HOOK3: variants seen among roughly 807,000 people sequenced by gnomAD.
HOOK3 encodes the protein protein Hook homolog 3.
HOOK3 carries 24 observed loss-of-function variants against 116.3 expected under a neutral mutation model. That is an observed-to-expected ratio of 0.21 (90% CI 0.15 to 0.29). HOOK3 has a LOEUF of 0.29. Ranked by LOEUF, HOOK3 falls within the 10% of genes least tolerant of loss-of-function variation. The pLI is 1.00. For synonymous variants in HOOK3, 275 were observed against 283.0 expected (o/e 0.97, Z 0.28); for missense variants, 632 against 830.2 (o/e 0.76, Z 2.93).
In HOOK3 at chr8:43,018,451, A is replaced by G; in HGVS notation, c.2110A>G (p.Ser704Gly). 2 of 1,613,886 alleles carry G rather than the reference A, an allele frequency of 1.2e-6. No individual in the cohort carries two copies. ...FLARQRQATS[S>G]RRSYPGHVQP... ...GGCGAGGCAGAGGCAAGCGACCAGC[A>G]GCAGAAGATCATACCCAGGCCACGT... Residue 704 changes from serine (S) to glycine (G), a missense_variant, in exon 22 of 22, where the codon AGC (serine) becomes GGC (glycine). Physicochemically the swap from Ser to Gly is moderately conservative, Grantham distance 56. Transcript: ENST00000307602.
At chr8:42,956,223 C>CGTGTGTGTGTGTGTGTGTGTGT (rs61448463) in intron 6 of HOOK3, among the ~76,000 whole-genome samples, 234 of 135,882 alleles carry the variant, frequency 1.7e-3, no homozygotes, top group South Asian at 2.5e-3. Flanking sequence ...AGGATTAGGG[C>CGTGTGTGTGTGTGTGTGTGTGT]GTGTGTGTGT....
intron 14 of HOOK3, among the ~76,000 whole-genome samples, chr8:42,984,239 A>G (rs1809005259): frequency 6.6e-6 from 1 of 151,946 alleles, no homozygotes; most frequent in Non-Finnish European, 1.5e-5. Flanking sequence ...TTGGTGATGC[A>G]TGCCGGTAAT....
At position 42,910,599 on chromosome 8, in the gene HOOK3, TTG is replaced by T. The variant is rs574494956; in HGVS notation, c.143+4345_143+4346del. Among the ~76,000 whole-genome samples, 129 of 152,368 alleles carry T rather than the reference TTG, an allele frequency of 8.5e-4. 1 individual carries two copies. The South Asian group carries it at 0.011, about 13-fold the overall frequency. ...AAGTAGAATCATACAGTATGTACTC[TTG>T]TGTTTGTCTTAAAGTCAACATAATG... On this transcript the variant is annotated intron_variant, in intron 2 of 21. Transcript: ENST00000307602.
At position 43,020,140 on chromosome 8, in the gene HOOK3, A is replaced by G. The variant is rs1451658252; in HGVS notation, c.*1642A>G. 1 of 199,028 alleles carries G rather than the reference A, an allele frequency of 5.0e-6. No homozygotes were observed. Among genetic ancestry groups the G allele is most frequent in the Non-Finnish European group, 1.0e-5 (1 of 96,456 alleles). The allele number at this position is 199,028 out of a possible 1,614,324, so 12.3% of individuals were successfully genotyped here. The stretch of plus-strand genomic sequence containing the variant: ...CCTCAGAAGCCGTAGTTGAAGAAAG[A>G]TATTAGAGTATACACAGAACTGGAG... On this transcript the variant is annotated 3_prime_UTR_variant, in exon 22 of 22. Coordinates refer to ENST00000307602, the MANE Select transcript of HOOK3 (RefSeq NM_032410.4).
At chr8:42,973,491 A>G in intron 12 of HOOK3, 92 bp downstream of exon 12, 1 of 764,210 alleles carries the variant, frequency 1.3e-6, no homozygotes, top group South Asian at 3.3e-5. Flanking sequence ...CATTTAAGTT[A>G]TGAATTTAAA....
rs1809842427 is a variant in HOOK3, at chr8:43,022,148, T to A, written c.*3650T>A. ...GGTATCAGAAAGCCAAGAATAAAAT[T>A]TAGCTCTAACGGTGGCAACTCCATG... On this transcript the variant is annotated 3_prime_UTR_variant, in exon 22 of 22. Coordinates refer to ENST00000307602, the MANE Select transcript of HOOK3 (RefSeq NM_032410.4). 1 of 206,826 alleles carries A rather than the reference T, an allele frequency of 4.8e-6. No homozygotes were observed. Among genetic ancestry groups the A allele is most frequent in the Non-Finnish European group, 9.9e-6 (1 of 101,506 alleles). 12.8% of individuals were successfully genotyped at this position (206,826 alleles called of 1,614,324 possible).
chr8:42,929,986 A>G, intron 3 of HOOK3, 136 bp from the exon 4 acceptor site: 1 of 739,604 alleles, frequency 1.4e-6, no homozygotes, highest in Non-Finnish European at 2.1e-6. Context: ...TAATTCAAAT[A>G]TGCTTTTGAA....
chr8:42,906,087 C>CAAAAAAAAAAAAAAAAA lies in HOOK3; in HGVS notation c.58-84_58-68dup, dbSNP rs35347216. On this transcript the variant is annotated intron_variant, in intron 1 of 21. Transcript: ENST00000307602. ...GGGTGACAGGGCTAGACTCCGTCTCCAAAAAAAAAAAAAAAAAAGGCCTAA... is the reference window on the plus strand; with the variant it reads ...GGGTGACAGGGCTAGACTCCGTCTCCAAAAAAAAAAAAAAAAAAAAAAAAAAAAAAAAAAAGGCCTAA... 3 of 311,398 alleles carry CAAAAAAAAAAAAAAAAA rather than the reference C, an allele frequency of 9.6e-6. No individual in the cohort carries two copies. In the African/African-American group the frequency reaches 1.4e-4, roughly 14 times the overall value. 19.3% of individuals were successfully genotyped at this position (311,398 alleles called of 1,614,324 possible). A position where few individuals can be genotyped will look rare whatever the true frequency, so the allele number is the denominator to read the frequency against.
chr8:42,975,767 G>A (rs1252237618), intron 13 of HOOK3, among the ~76,000 whole-genome samples: 3 of 152,194 alleles, frequency 2.0e-5, no homozygotes, highest in African/African-American at 4.8e-5. Flanking sequence ...GTGCAGTGGC[G>A]AGATCTTGGC....
chr8:42,964,558 G>T, intron 9 of HOOK3, 84 bp downstream of exon 9: 2 of 1,240,558 alleles, frequency 1.6e-6, no homozygotes, highest in African/African-American at 1.5e-5. Context: ...CAGGCACATT[G>T]GTCCATGCCT....
intron 15 of HOOK3, among the ~76,000 whole-genome samples, chr8:42,994,792 C>T (rs1563310055): frequency 1.3e-5 from 2 of 152,128 alleles, no homozygotes; most frequent in Admixed American, 6.5e-5. Context: ...CTCACCTATT[C>T]CCCATTGAGA....
chr8:43,010,475 G>C, intron 19 of HOOK3, 70 bp downstream of exon 19: 1 of 436,514 alleles, frequency 2.3e-6, no homozygotes, highest in Non-Finnish European at 4.0e-6. Flanking sequence ...CAAATATAAT[G>C]GACGGACACT....
rs763537584 is a variant in HOOK3, at chr8:42,962,407, GTTTTT to G, written c.616-1891_616-1887del. On this transcript the variant is annotated intron_variant, in intron 8 of 21. Transcript: ENST00000307602. The stretch of plus-strand genomic sequence containing the variant: ...GTGACCCACTGCACCTGGCCCGTGT[GTTTTT>G]TTTTTTTTTTTTGAAATAGAGTCTT... 5.4e-3 allele frequency among the ~76,000 whole-genome samples: 689 copies of G among 127,646 alleles called. 4 individuals are homozygous for G. The highest frequency in any genetic ancestry group is 8.5e-3 in the Non-Finnish European group (497 of 58,638). 83.7% of individuals were successfully genotyped at this position (127,646 alleles called of 152,430 possible).
chr8:42,939,102 T>C (rs1186570854), intron 4 of HOOK3, among the ~76,000 whole-genome samples: 1 of 152,166 alleles, frequency 6.6e-6, no homozygotes, highest in Non-Finnish European at 1.5e-5. Flanking sequence ...ATGAAAAGTC[T>C]CCCATGTCTA....
rs552869083 is a variant in HOOK3 at position 42,986,648 on chromosome 8, C to T, written c.1392-7C>T. On this transcript the variant is annotated splice_region_variant and splice_polypyrimidine_tract_variant and intron_variant, in intron 14 of 21. Transcript: ENST00000307602. ...TATAATATTTAGTTTTTATTTTGTT[C>T]ATTCAGGGAGAAACTTATTCGTCTT... 1.2e-6 allele frequency: 2 copies of T among 1,603,062 alleles called. No individual in the cohort carries two copies. Among genetic ancestry groups the T allele is most frequent in the South Asian group, 1.1e-5 (1 of 89,336 alleles).
chr8:42,913,044 A>G (rs573745369), intron 2 of HOOK3, among the ~76,000 whole-genome samples: 2 of 152,128 alleles, frequency 1.3e-5, no homozygotes, highest in South Asian at 2.1e-4. Context: ...TACAGTATGC[A>G]TTTTAGGTTC....
At chr8:42,924,259 A>G (rs1306129099) in intron 2 of HOOK3, among the ~76,000 whole-genome samples, 1 of 152,082 alleles carries the variant, frequency 6.6e-6, no homozygotes, top group Non-Finnish European at 1.5e-5. Flanking sequence ...TAGAGGATCA[A>G]TTTCAAAACC....
intron 1 of HOOK3, among the ~76,000 whole-genome samples, chr8:42,900,121 A>T (rs891785469): frequency 7.9e-5 from 12 of 152,122 alleles, no homozygotes; most frequent in Non-Finnish European, 1.6e-4. Flanking sequence ...TATGTTCCAA[A>T]TTTTTTCGAA....
At position 42,968,211 on chromosome 8, in the gene HOOK3, A is replaced by G; in HGVS notation, c.1119A>G (p.Arg373=). 2 of 1,610,096 alleles carry G rather than the reference A, an allele frequency of 1.2e-6. No homozygotes were observed. Among genetic ancestry groups the G allele is most frequent in the Non-Finnish European group, 1.7e-6 (2 of 1,177,792 alleles). The change falls in exon 11 of 22, where the codon AGA becomes AGG. Residue 373 remains arginine, a synonymous_variant. Coordinates refer to ENST00000307602, the MANE Select transcript of HOOK3 (RefSeq NM_032410.4). ...GAAGTCAACTTGAAACCTACAAGAG[A>G]CAGGTAAAAGAAACACAGCATCTTG... ...AARSQLETYK[R]QVVELQNRLS...
Sources: gnomAD v4.1 joint callset for allele counts (sites outside exome capture counted in the v4.1 genomes callset) on GRCh38, gnomAD v4.1.1 for gene constraint, MANE v1.5 for transcripts, NCBI Gene and HGNC (gene_info 2026-07-23, HGNC 2026-07-21) for gene names.